EPHB1: variants seen among roughly 807,000 people sequenced by gnomAD.
The protein encoded by EPHB1 is EPH receptor B1.
Under a neutral mutation model 94.4 loss-of-function variants are expected in EPHB1, and 30 were observed. The observed-to-expected ratio is 0.32, with a 90% confidence interval of 0.24 to 0.43. EPHB1 has a LOEUF of 0.43. Ranked by LOEUF, EPHB1 falls within the 20% of genes least tolerant of loss-of-function variation. EPHB1 has a pLI of 1.00. For missense variants in EPHB1, 1,055 were observed against 1,308.3 expected (o/e 0.81, Z 2.99); for synonymous variants, 522 against 489.1 (o/e 1.07, Z -0.89).
chr3:135,043,596 A>G (rs887250395), intron 3 of EPHB1, among the ~76,000 whole-genome samples: 4 of 152,262 alleles, frequency 2.6e-5, no homozygotes, highest in African/African-American at 9.6e-5. Context: ...CCTCCCTGTC[A>G]GGTAATCACC....
intron 15 of EPHB1, among the ~76,000 whole-genome samples, chr3:135,253,588 C>G (rs1157551579): frequency 5.6e-4 from 84 of 150,150 alleles, no homozygotes; most frequent in African/African-American, 2.0e-3. Flanking sequence ...GTTTTGGTAC[C>G]AGTACCATGC....
chr3:134,916,928 C>G (rs561024936), intron 1 of EPHB1, among the ~76,000 whole-genome samples: 3 of 152,342 alleles, frequency 2.0e-5, no homozygotes, highest in African/African-American at 7.2e-5. Context: ...CCTCTCAATA[C>G]CATCTTGATT....
At chr3:134,850,354 C>T (rs2036955250) in intron 1 of EPHB1, among the ~76,000 whole-genome samples, 2 of 152,294 alleles carry the variant, frequency 1.3e-5, no homozygotes, top group East Asian at 1.9e-4. Context: ...GGAGAGGTGG[C>T]CTTAGTTCTT....
At chr3:135,114,280 AGTCCT>A (rs1380974564) in intron 4 of EPHB1, among the ~76,000 whole-genome samples, 1 of 152,140 alleles carries the variant, frequency 6.6e-6, no homozygotes, top group Non-Finnish European at 1.5e-5. Context: ...CCCAGGTTCA[AGTCCT>A]GCTCTACTAC....
intron 12 of EPHB1, among the ~76,000 whole-genome samples, chr3:135,205,378 C>T (rs940225778): frequency 1.3e-5 from 2 of 152,088 alleles, no homozygotes; most frequent in African/African-American, 4.8e-5. Context: ...TACAATTTAT[C>T]TTTTCCCCCA....
At chr3:134,920,717 A>G (rs2038666810) in intron 1 of EPHB1, among the ~76,000 whole-genome samples, 1 of 152,148 alleles carries the variant, frequency 6.6e-6, no homozygotes, top group African/African-American at 2.4e-5. Context: ...CAGTATATCC[A>G]AAGGTGCCAA....
chr3:135,063,843 C>T (rs1937547004), intron 3 of EPHB1, among the ~76,000 whole-genome samples: 1 of 151,982 alleles, frequency 6.6e-6, no homozygotes, highest in South Asian at 2.1e-4. Context: ...ACATAGATGG[C>T]TTTTATTACA....
At chr3:135,013,751 C>A (rs890463260) in intron 3 of EPHB1, among the ~76,000 whole-genome samples, 15 of 152,218 alleles carry the variant, frequency 9.9e-5, no homozygotes, top group African/African-American at 3.1e-4. Flanking sequence ...GCTAAAGTTA[C>A]AACTGCAACA....
chr3:135,225,239 G>A (rs1019171580), intron 12 of EPHB1, among the ~76,000 whole-genome samples: 1 of 152,180 alleles, frequency 6.6e-6, no homozygotes, highest in Non-Finnish European at 1.5e-5. Flanking sequence ...AAGATGCAAG[G>A]CGTAATCCAA....
intron 1 of EPHB1, among the ~76,000 whole-genome samples, chr3:134,800,062 G>A (rs1167267257): frequency 4.6e-5 from 7 of 152,172 alleles, no homozygotes; most frequent in African/African-American, 1.7e-4. Flanking sequence ...CTGGCCATGA[G>A]GATGGAGATG....
chr3:134,874,955 C>T (rs981222161), intron 1 of EPHB1, among the ~76,000 whole-genome samples: 3 of 152,172 alleles, frequency 2.0e-5, no homozygotes, highest in Non-Finnish European at 4.4e-5. Context: ...GTCACTGATT[C>T]GGTTTGAGGG....
chr3:135,119,073 T>C (rs1285313390), intron 4 of EPHB1, among the ~76,000 whole-genome samples: 1 of 152,230 alleles, frequency 6.6e-6, no homozygotes, highest in Non-Finnish European at 1.5e-5. Context: ...TTTTGCCAAG[T>C]TGGCTGACCT....
chr3:135,157,649 C>A (rs934866964), intron 6 of EPHB1, among the ~76,000 whole-genome samples: 3 of 152,216 alleles, frequency 2.0e-5, no homozygotes, highest in African/African-American at 7.2e-5. Context: ...TATTGGTTAC[C>A]ATTTGGTATA....
chr3:134,974,443 T>G (rs1435576473), intron 3 of EPHB1, among the ~76,000 whole-genome samples: 1 of 152,208 alleles, frequency 6.6e-6, no homozygotes, highest in Non-Finnish European at 1.5e-5. Context: ...TAGGGTGTTA[T>G]GGGAATTGAG....
At chr3:135,198,403 G>A (rs148188501) in intron 11 of EPHB1, among the ~76,000 whole-genome samples, 1 of 152,330 alleles carries the variant, frequency 6.6e-6, no homozygotes, top group Non-Finnish European at 1.5e-5. Flanking sequence ...TATTCTGTAA[G>A]TATTATGTGC....
intron 1 of EPHB1, among the ~76,000 whole-genome samples, chr3:134,891,938 T>C (rs938850784): frequency 6.6e-6 from 1 of 152,230 alleles, no homozygotes; most frequent in Non-Finnish European, 1.5e-5. Flanking sequence ...GGAATGACCA[T>C]AGACTGCAGC....
chr3:135,048,578 TC>T (rs1343672103), intron 3 of EPHB1, among the ~76,000 whole-genome samples: 1 of 152,150 alleles, frequency 6.6e-6, no homozygotes, highest in Non-Finnish European at 1.5e-5. Context: ...CCAAAAATAC[TC>T]CCCTCTTGCC....
chr3:134,860,452 G>A (rs1396282515), intron 1 of EPHB1, among the ~76,000 whole-genome samples: 1 of 152,072 alleles, frequency 6.6e-6, no homozygotes, highest in East Asian at 1.9e-4. Context: ...ATTTTCAAGG[G>A]CAGTTTTGAC....
chr3:134,985,232 C>A (rs1170101671), intron 3 of EPHB1, among the ~76,000 whole-genome samples: 1 of 152,160 alleles, frequency 6.6e-6, no homozygotes, highest in Non-Finnish European at 1.5e-5. Flanking sequence ...CAGCTCACTG[C>A]AACCTCCACC....
Sources: allele counts gnomAD v4.1 joint callset (sites outside exome capture counted in the v4.1 genomes callset), GRCh38; gene constraint gnomAD v4.1.1; transcripts MANE v1.5; gene names NCBI Gene and HGNC (gene_info 2026-07-23, HGNC 2026-07-21).